NOX4: variants seen among roughly 807,000 people sequenced by gnomAD.
NOX4 encodes kidney oxidase-1.
In NOX4, 69 loss-of-function variants were observed where a neutral mutation model predicts 87.6. The observed-to-expected ratio is 0.79, with a 90% confidence interval of 0.65 to 0.96. The LOEUF is 0.96. Among genes scored for constraint, NOX4 ranks in the 40% least tolerant of loss-of-function variants. The pLI is 0.00. For missense variants in NOX4, 680 were observed against 681.5 expected, an observed-to-expected ratio of 1.00 and a Z score of 0.02; for synonymous variants, 275 against 238.2, an observed-to-expected ratio of 1.15 and a Z score of -1.42.
chr11:89,399,055 T>TCA lies in NOX4; in HGVS notation c.1074+961_1074+962insTG, dbSNP rs539024750. 9.9e-5 allele frequency among the ~76,000 whole-genome samples: 15 copies of TCA among 152,062 alleles called. No individual in the cohort carries two copies. The South Asian group carries it at 3.1e-3, about 32-fold the overall frequency. ...ATTGGAAAGTGGGGAAAAATTTTTT[T>TCA]AAGTTTGTATTTTATTTTATATCTG... On this transcript the variant is annotated intron_variant, in intron 11 of 17. Coordinates refer to ENST00000263317, the MANE Select transcript of NOX4 (RefSeq NM_016931.5).
chr11:89,367,990 A>G (rs1455036410), intron 12 of NOX4, among the ~76,000 whole-genome samples: 2 of 152,002 alleles, frequency 1.3e-5, no homozygotes, highest in African/African-American at 2.4e-5. Context: ...AAGCCTCCCA[A>G]GTTTTCTTCC....
At position 89,335,874 on chromosome 11, in the gene NOX4, CAA is replaced by C. The variant is rs1333554226; in HGVS notation, c.1585_1586del (p.Leu529ValfsTer2). 6.3e-7 allele frequency: 1 copy of C among 1,599,610 alleles called. No homozygotes were observed. Among genetic ancestry groups the C allele is most frequent in the Non-Finnish European group, 8.5e-7 (1 of 1,172,590 alleles). On this transcript the variant is annotated frameshift_variant, in exon 17 of 18. Transcript: ENST00000263317. LOFTEE classifies it high-confidence loss of function. ...TGTTATATTTTGCTATTTCATCAAA[CAA>C]AAGTTTCCACCGAGGACGTCCTATA... ...LFIGRPRWKLLFDEIAKYNRG... is the reference protein window; with the variant it reads ...LFIGRPRWKLXFDEIAKYNRG...
chr11:89,579,838 G>T, the NOX4 span, among the ~76,000 whole-genome samples: 1 of 151,874 alleles, frequency 6.6e-6, no homozygotes, highest in African/African-American at 2.4e-5. Context: ...AGATGTATAT[G>T]ATGTTGATAT....
chr11:89,535,379 C>T, the NOX4 span, among the ~76,000 whole-genome samples: 2 of 152,240 alleles, frequency 1.3e-5, no homozygotes, highest in African/African-American at 4.8e-5. Context: ...GACACGTAAA[C>T]GTGTTCCCTA....
In NOX4 at chr11:89,416,904, A is replaced by G. The variant is rs185788582; in HGVS notation, c.629+4998T>C. Among the ~76,000 whole-genome samples, 240 of 152,322 alleles carry G rather than the reference A, an allele frequency of 1.6e-3. 4 individuals are homozygous for G. In the East Asian group the frequency reaches 0.038, roughly 24 times the overall value. Reference sequence around the variant, plus strand: ...AAAGAATAATTCAGGTATCATTCATATAATAAAAAGATCTGAGAAGTGCAG... The same window carrying G: ...AAAGAATAATTCAGGTATCATTCATGTAATAAAAAGATCTGAGAAGTGCAG... On this transcript the variant is annotated intron_variant, in intron 8 of 17. Coordinates refer to ENST00000263317, the MANE Select transcript of NOX4 (RefSeq NM_016931.5).
chr11:89,528,505 A>C, the NOX4 span, among the ~76,000 whole-genome samples: 412 of 152,228 alleles, frequency 2.7e-3, 3 homozygotes, highest in African/African-American at 9.4e-3. Context: ...TTCAAAGGAG[A>C]GACTAGGTGG....
chr11:89,533,892 C>T, the NOX4 span: 13 of 152,204 alleles, frequency 8.5e-5, no homozygotes, highest in African/African-American at 1.9e-4. Flanking sequence ...CTGAAACAGA[C>T]GACTATGGTG....
chr11:89,359,238 A>C (rs1938324634), intron 12 of NOX4, among the ~76,000 whole-genome samples: 1 of 152,126 alleles, frequency 6.6e-6, no homozygotes, highest in Non-Finnish European at 1.5e-5. Flanking sequence ...TCAATTTCTA[A>C]TTGAAACTTT....
At chr11:89,469,074 T>C (rs1945820666) in intron 2 of NOX4, among the ~76,000 whole-genome samples, 1 of 152,184 alleles carries the variant, frequency 6.6e-6, no homozygotes. Context: ...TCCAAATTTT[T>C]GGCAAAGCTA....
intron 8 of NOX4, among the ~76,000 whole-genome samples, chr11:89,417,604 TTCACTATGTTCA>T (rs1185635232): frequency 1.3e-5 from 2 of 152,132 alleles, no homozygotes; most frequent in Non-Finnish European, 2.9e-5. Flanking sequence ...CTAAGTAGTT[TTCACTATGTTCA>T]TCAAATTACT....
the NOX4 span, among the ~76,000 whole-genome samples, chr11:89,555,037 A>T: frequency 7.2e-5 from 11 of 152,196 alleles, no homozygotes; most frequent in African/African-American, 2.7e-4. Context: ...TTAAAATGGC[A>T]TGTACATGAT....
intron 2 of NOX4, among the ~76,000 whole-genome samples, chr11:89,477,566 T>G (rs1946218381): frequency 6.6e-6 from 1 of 152,072 alleles, no homozygotes; most frequent in Non-Finnish European, 1.5e-5. Flanking sequence ...GATAAATTAA[T>G]GAATGAATGA....
chr11:89,325,065 T>A lies in NOX4; in HGVS notation c.*1691A>T, dbSNP rs1402481657. 4.6e-5 allele frequency: 7 copies of A among 151,122 alleles called. No homozygotes were observed. In the South Asian group the frequency reaches 8.4e-4, roughly 18 times the overall value. 9.4% of individuals were successfully genotyped at this position (151,122 alleles called of 1,614,324 possible). On this transcript the variant is annotated 3_prime_UTR_variant, in exon 18 of 18. Coordinates refer to ENST00000263317, the MANE Select transcript of NOX4 (RefSeq NM_016931.5). The stretch of plus-strand genomic sequence containing the variant: ...CAGCAGTGTTATATTTGATAGCAAT[T>A]GATAGCCGACTACTAAACAAAATCA...
intron 2 of NOX4, among the ~76,000 whole-genome samples, chr11:89,483,897 A>T (rs1043510812): frequency 2.0e-5 from 3 of 152,140 alleles, no homozygotes; most frequent in Non-Finnish European, 4.4e-5. Context: ...AAATTTTATA[A>T]AACAAGAATA....
the NOX4 span, among the ~76,000 whole-genome samples, chr11:89,537,930 C>T: frequency 6.6e-6 from 1 of 152,306 alleles, no homozygotes; most frequent in East Asian, 1.9e-4. Context: ...CTACACCAAC[C>T]ACCTACTTTG....
chr11:89,362,019 T>C (rs1476937953), intron 12 of NOX4, among the ~76,000 whole-genome samples: 1 of 152,146 alleles, frequency 6.6e-6, no homozygotes, highest in Non-Finnish European at 1.5e-5. Context: ...GCAACTCTGA[T>C]GGGCAATATT....
intron 2 of NOX4, among the ~76,000 whole-genome samples, chr11:89,456,091 T>C (rs75332742): frequency 0.023 from 3,426 of 152,158 alleles, 137 homozygotes; most frequent in African/African-American, 0.078. Flanking sequence ...TTTTCCAACA[T>C]AAAGAAATGA....
chr11:89,531,824 C>T, the NOX4 span, among the ~76,000 whole-genome samples: 1 of 152,242 alleles, frequency 6.6e-6, no homozygotes, highest in Non-Finnish European at 1.5e-5. Flanking sequence ...CTGGGCCAGA[C>T]CCAGGGCCCT....
intron 17 of NOX4, among the ~76,000 whole-genome samples, chr11:89,328,163 A>T (rs2135356819): frequency 6.6e-6 from 1 of 152,320 alleles, no homozygotes; most frequent in East Asian, 1.9e-4. Flanking sequence ...AGATCCACAG[A>T]AAGACGCCTC....
Sources: gnomAD v4.1 joint callset for allele counts (sites outside exome capture counted in the v4.1 genomes callset) on GRCh38, gnomAD v4.1.1 for gene constraint, MANE v1.5 for transcripts, NCBI Gene and HGNC (gene_info 2026-07-23, HGNC 2026-07-21) for gene names.